Variants in NTN4 observed in about 807,000 individuals in gnomAD.
NTN4 encodes the protein netrin-4.
Under a neutral mutation model 73.6 loss-of-function variants are expected in NTN4, and 32 were observed. The ratio of observed to expected loss-of-function variants is 0.44; its 90% confidence interval spans 0.33 to 0.58. NTN4 has a LOEUF of 0.58. NTN4 is among the 20% of genes least tolerant of loss of function. The pLI, the probability that NTN4 is intolerant of heterozygous loss-of-function variation, is 0.04. For synonymous variants in NTN4, 258 were observed against 287.5 expected (o/e 0.90, Z 1.04); for missense variants, 654 against 798.3 (o/e 0.82, Z 2.18).
chr12:95,733,902 T>C (rs1269822219), intron 3 of NTN4, among the ~76,000 whole-genome samples: 3 of 151,864 alleles, frequency 2.0e-5, no homozygotes, highest in African/African-American at 7.3e-5. Flanking sequence ...AAACCCCATC[T>C]GAACTAAAAA....
chr12:95,708,170 C>T lies in NTN4; in HGVS notation c.1180+2271G>A, dbSNP rs570507917. On this transcript the variant is annotated intron_variant, in intron 5 of 9. Transcript: ENST00000343702. ...ATTTTTGATCAATAAAGAGTAGAAA[C>T]GCTATAGTATTATTTTCCACTTTCT... 1.8e-3 allele frequency among the ~76,000 whole-genome samples: 269 copies of T among 152,018 alleles called. 1 individual carries two copies. The highest frequency in any genetic ancestry group is 5.8e-3 in the African/African-American group (240 of 41,478).
intron 4 of NTN4, among the ~76,000 whole-genome samples, chr12:95,712,559 A>G (rs2078571774): frequency 6.6e-6 from 1 of 152,148 alleles, no homozygotes; most frequent in Admixed American, 6.5e-5. Flanking sequence ...CCATCTCAGC[A>G]ATGAGAGTAC....
intron 5 of NTN4, among the ~76,000 whole-genome samples, chr12:95,698,083 A>G (rs1242138233): frequency 2.6e-5 from 4 of 152,206 alleles, no homozygotes; most frequent in African/African-American, 9.7e-5. Context: ...TTATATGAAA[A>G]TACTAAGCCA....
intron 2 of NTN4, among the ~76,000 whole-genome samples, chr12:95,775,378 C>T (rs11108258): frequency 5.3e-5 from 8 of 152,146 alleles, no homozygotes; most frequent in Admixed American, 2.0e-4. Context: ...CAAAGCAGGG[C>T]GAGGCATCGC....
At chr12:95,737,278 A>G (rs1285753338) in intron 3 of NTN4, among the ~76,000 whole-genome samples, 1 of 152,142 alleles carries the variant, frequency 6.6e-6, no homozygotes, top group African/African-American at 2.4e-5. Flanking sequence ...TGAGGATACA[A>G]AGATCATACA....
In NTN4 at chr12:95,790,293, C is replaced by A. The variant is rs1477104443; in HGVS notation, c.17G>T (p.Arg6Leu). The change falls in exon 1 of 10, where the codon CGG becomes CTG. Residue 6 changes from arginine to leucine, a missense_variant. Coordinates refer to ENST00000343702, the MANE Select transcript of NTN4 (RefSeq NM_021229.4). The surrounding 1 kb of genome is among the most constrained non-coding windows in gnomAD (Gnocchi z 6.5). ...CGTGCAGCCCCAGAGCAGCAGCAGCCGCGCGCAGCTCCCCATGGCCGGGAG... is the reference window on the plus strand; with the variant it reads ...CGTGCAGCCCCAGAGCAGCAGCAGCAGCGCGCAGCTCCCCATGGCCGGGAG... MGSCA[R>L]LLLLWGCTVV... The A allele has an allele frequency of 2.0e-6, 3 of 1,532,864 alleles. No homozygotes were observed. The highest frequency in any genetic ancestry group is 1.4e-5 in the African/African-American group (1 of 70,408). 95.0% of individuals were successfully genotyped at this position (1,532,864 alleles called of 1,614,324 possible).
At chr12:95,708,046 T>A (rs911834756) in intron 5 of NTN4, among the ~76,000 whole-genome samples, 1 of 152,152 alleles carries the variant, frequency 6.6e-6, no homozygotes, top group Non-Finnish European at 1.5e-5. Context: ...ACCATTATTA[T>A]AAGCAGAGAC....
At chr12:95,734,055 G>T (rs1011134904) in intron 3 of NTN4, among the ~76,000 whole-genome samples, 2 of 130,856 alleles carry the variant, frequency 1.5e-5, no homozygotes, top group Non-Finnish European at 3.2e-5. Context: ...GGGTGACAGA[G>T]CAAGACTCCA....
intron 3 of NTN4, among the ~76,000 whole-genome samples, chr12:95,715,053 G>A (rs1341695785): frequency 6.6e-6 from 1 of 151,952 alleles, no homozygotes; most frequent in Non-Finnish European, 1.5e-5. Context: ...CCTACCACTG[G>A]TGGTCGCACT....
chr12:95,669,205 CTA>C (rs2078207144), intron 8 of NTN4, among the ~76,000 whole-genome samples: 1 of 131,354 alleles, frequency 7.6e-6, no homozygotes, highest in Non-Finnish European at 1.6e-5. Flanking sequence ...GAGACTCTGT[CTA>C]AAAAAAAAAA....
chr12:95,787,673 T>TGC (rs1414111699), intron 1 of NTN4, among the ~76,000 whole-genome samples: 16 of 152,152 alleles, frequency 1.1e-4, no homozygotes, highest in African/African-American at 1.7e-4. Flanking sequence ...TGCGTGTGTG[T>TGC]GTGCGTGTGT....
At chr12:95,725,626 T>C (rs1374696469) in intron 3 of NTN4, among the ~76,000 whole-genome samples, 1 of 152,176 alleles carries the variant, frequency 6.6e-6, no homozygotes, top group Non-Finnish European at 1.5e-5. Flanking sequence ...AAAGTTGACA[T>C]GTTTAAGATA....
At chr12:95,711,411 C>A (rs1449193489) in intron 4 of NTN4, among the ~76,000 whole-genome samples, 2 of 152,178 alleles carry the variant, frequency 1.3e-5, no homozygotes, top group Non-Finnish European at 2.9e-5. Context: ...TCTCAAGGGT[C>A]ATCCCTGTGG....
Position 95,790,094 on chromosome 12 carries a change from T to C in NTN4, c.55+161A>G. 5.5e-6 allele frequency: 3 copies of C among 549,206 alleles called. No individual in the cohort carries two copies. The highest frequency in any genetic ancestry group is 9.5e-6 in the Non-Finnish European group (3 of 315,354). The allele number at this position is 549,206 out of a possible 1,614,324, so 34.0% of individuals were successfully genotyped here. A position where few individuals can be genotyped will look rare whatever the true frequency, so the allele number is the denominator to read the frequency against. On this transcript the variant is annotated intron_variant, in intron 1 of 9. Transcript: ENST00000343702. This position sits in a 1 kb window ranked among gnomAD's most constrained non-coding sequence, Gnocchi z 6.5. ...AAAATAAATCAATAGTATTTGAAAC[T>C]GCGGAGCCCCGGGGAAAGGAGGCGG...
Position 95,670,149 on chromosome 12 carries a change from A to C in NTN4, c.1511-3T>G, listed in dbSNP as rs1227431168. On this transcript the variant is annotated splice_polypyrimidine_tract_variant and splice_region_variant and intron_variant, in intron 7 of 9. Coordinates refer to ENST00000343702, the MANE Select transcript of NTN4 (RefSeq NM_021229.4). ...CTGTTCCTTACATTCGCATTTACCT[A>C]TGGAAAGTAAATTAAAAATGGTGTT... The C allele has an allele frequency of 6.4e-7, 1 of 1,557,362 alleles. No individual in the cohort carries two copies. Among genetic ancestry groups the C allele is most frequent in the South Asian group, 1.2e-5 (1 of 83,052 alleles).
At chr12:95,759,837 A>G (rs2078974034) in intron 2 of NTN4, among the ~76,000 whole-genome samples, 1 of 152,196 alleles carries the variant, frequency 6.6e-6, no homozygotes, top group South Asian at 2.1e-4. Flanking sequence ...TTTTAAAAAT[A>G]TCTTCCATTT....
chr12:95,681,445 G>A (rs936598644), intron 7 of NTN4, among the ~76,000 whole-genome samples: 4 of 152,100 alleles, frequency 2.6e-5, no homozygotes, highest in African/African-American at 7.2e-5. Context: ...ACCCTTTGAA[G>A]GTGTGTATGG....
intron 5 of NTN4, among the ~76,000 whole-genome samples, chr12:95,706,706 T>C (rs980406056): frequency 1.3e-5 from 2 of 152,202 alleles, no homozygotes; most frequent in East Asian, 1.9e-4. Flanking sequence ...TATTCTACTC[T>C]TTATTCTAAT....
chr12:95,683,534 C>A lies in NTN4; in HGVS notation c.1358G>T (p.Gly453Val), dbSNP rs151087404. The change falls in exon 6 of 10, where the codon GGG becomes GTG. Residue 453 changes from glycine (G) to valine (V), a missense_variant. By Grantham distance (109) the Gly-to-Val change is moderately radical. Transcript: ENST00000343702. Reference sequence around the variant, plus strand: ...GTCTCCGGTGATAGGGTCACAGCTCCCCGCACAGTCACATGGTCGACAGCC... The same window carrying A: ...GTCTCCGGTGATAGGGTCACAGCTCACCGCACAGTCACATGGTCGACAGCC... ...DYGCRPCDCA[G>V]SCDPITGDCI... is the part of the protein sequence containing the mutation. 280 of 1,614,192 alleles carry A rather than the reference C, an allele frequency of 1.7e-4. No homozygotes were observed. The highest frequency in any genetic ancestry group is 2.3e-4 in the Non-Finnish European group (270 of 1,180,026).
Sources: allele counts gnomAD v4.1 joint callset (sites outside exome capture counted in the v4.1 genomes callset), GRCh38; gene constraint gnomAD v4.1.1; non-coding constraint Gnocchi (gnomAD v3.1); transcripts MANE v1.5; gene names NCBI Gene and HGNC (gene_info 2026-07-23, HGNC 2026-07-21).